ZW10: variants seen among roughly 807,000 people sequenced by gnomAD.
ZW10 encodes centromere/kinetochore protein zw10 homolog.
A neutral mutation model predicts 87.8 loss-of-function variants in ZW10; 53 were observed. The observed-to-expected ratio is 0.60, with a 90% CI of 0.48 to 0.76. The LOEUF is 0.76. ZW10 is among the 30% of genes least tolerant of loss of function. The probability of loss-of-function intolerance (pLI) is 0.00; values close to 1 mark genes in which losing one functional copy is unlikely to be tolerated. For synonymous variants in ZW10, 312 were observed against 329.2 expected, an observed-to-expected ratio of 0.95 and a Z score of 0.57; for missense variants, 837 against 923.0, an observed-to-expected ratio of 0.91 and a Z score of 1.21.
intron 5 of ZW10, 33 bp from the exon 6 acceptor site, chr11:113,758,739 C>T (rs1406395540): frequency 6.2e-7 from 1 of 1,608,242 alleles, no homozygotes; most frequent in South Asian, 1.1e-5. Context: ...TCAGCTGTCT[C>T]ACCAATATGA....
Position 113,737,695 on chromosome 11 carries a change from G to T in ZW10, c.1893C>A (p.His631Gln), listed in dbSNP as rs527252859. The T allele has an allele frequency of 6.2e-7, 1 of 1,610,926 alleles. No individual in the cohort carries two copies. Among genetic ancestry groups the T allele is most frequent in the South Asian group, 1.1e-5 (1 of 90,636 alleles). ...ACACAATTCCAAGTCTCTTTAGTTG[G>T]TGCAGTACCTGTAGAAGAATACAGC... Reference protein sequence around the residue: ...AASKAVRQVLHQLKRLGIVWQ... With the variant: ...AASKAVRQVLQQLKRLGIVWQ... The change falls in exon 14 of 16, where the codon CAC becomes CAA. Residue 631 changes from histidine to glutamine, a missense_variant. Transcript: ENST00000200135.
chr11:113,764,793 C>T (rs1272382489), intron 2 of ZW10, among the ~76,000 whole-genome samples: 1 of 152,164 alleles, frequency 6.6e-6, no homozygotes, highest in African/African-American at 2.4e-5. Context: ...ACTTTCCTTC[C>T]TTCTGAAACA....
At chr11:113,760,076 C>T in intron 5 of ZW10, 133 bp downstream of exon 5, 1 of 1,111,752 alleles carries the variant, frequency 9.0e-7, no homozygotes, top group East Asian at 2.6e-5. Flanking sequence ...ATCTTGCTAA[C>T]ATGAGTGCTC....
chr11:113,734,060 T>C (rs1953522138), intron 15 of ZW10, among the ~76,000 whole-genome samples: 1 of 152,234 alleles, frequency 6.6e-6, no homozygotes, highest in South Asian at 2.1e-4. Context: ...CTATTCTCCC[T>C]TATTCTATAC....
intron 1 of ZW10, chr11:113,769,526 A>C (rs1448524033): frequency 6.2e-6 from 1 of 160,950 alleles, no homozygotes; most frequent in African/African-American, 2.4e-5. Flanking sequence ...CTTTAATACA[A>C]AGTAACTTAA....
rs1283573881 is a variant in ZW10 at position 113,744,132 on chromosome 11, A to G, written c.1273-92T>C. ...GCCGGGCATGGCGGCTCACGCCTGT[A>G]ATCCCAGCACTTTGGGAGGCCGAGG... On this transcript the variant is annotated intron_variant, in intron 9 of 15. Coordinates refer to ENST00000200135, the MANE Select transcript of ZW10 (RefSeq NM_004724.4). 3.7e-6 allele frequency: 4 copies of G among 1,068,070 alleles called. No homozygotes were observed. In the African/African-American group the frequency reaches 6.3e-5, roughly 17 times the overall value. 66.2% of individuals were successfully genotyped at this position (1,068,070 alleles called of 1,614,324 possible).
chr11:113,741,777 A>G lies in ZW10; in HGVS notation c.1512-12T>C, dbSNP rs1953622119. The G allele has an allele frequency of 1.3e-6, 2 of 1,588,042 alleles. No individual in the cohort carries two copies. Among genetic ancestry groups the G allele is most frequent in the African/African-American group, 2.7e-5 (2 of 73,948 alleles). ...AAAGTTGAACAGCACTAAAAAGAAAACATAGACTTAACAGAAATGCCTAAG... is the reference window on the plus strand; with the variant it reads ...AAAGTTGAACAGCACTAAAAAGAAAGCATAGACTTAACAGAAATGCCTAAG... On this transcript the variant is annotated splice_polypyrimidine_tract_variant and intron_variant, in intron 10 of 15. Coordinates refer to ENST00000200135, the MANE Select transcript of ZW10 (RefSeq NM_004724.4).
At chr11:113,754,988 G>C (rs1460253561) in intron 7 of ZW10, among the ~76,000 whole-genome samples, 1 of 152,118 alleles carries the variant, frequency 6.6e-6, no homozygotes, top group Non-Finnish European at 1.5e-5. Context: ...GAGACCTACT[G>C]CTCAGAAAAA....
chr11:113,771,476 G>C (rs150493568), intron 1 of ZW10: 1 of 152,236 alleles, frequency 6.6e-6, no homozygotes, highest in African/African-American at 2.4e-5. Context: ...TCCTTGGGTG[G>C]TTCATTTCAA....
At chr11:113,767,863 C>G (rs1322149480) in intron 2 of ZW10, among the ~76,000 whole-genome samples, 2 of 152,196 alleles carry the variant, frequency 1.3e-5, no homozygotes, top group African/African-American at 2.4e-5. Flanking sequence ...TGACATCTCT[C>G]TATTACCTCC....
chr11:113,773,309 C>A (rs532072226), intron 1 of ZW10, among the ~76,000 whole-genome samples: 3 of 152,138 alleles, frequency 2.0e-5, no homozygotes, highest in African/African-American at 7.2e-5. Context: ...GCCTGTTCGT[C>A]CCCACAGTCC....
chr11:113,759,869 G>A (rs936918239), intron 5 of ZW10, among the ~76,000 whole-genome samples: 34 of 152,110 alleles, frequency 2.2e-4, no homozygotes, highest in African/African-American at 2.2e-4. Context: ...TGTCAGGAAC[G>A]GGCACGTCCT....
chr11:113,760,115 C>A (rs1953841310), intron 5 of ZW10, 94 bp downstream of exon 5: 2 of 1,398,998 alleles, frequency 1.4e-6, no homozygotes, highest in Non-Finnish European at 9.7e-7. Context: ...TATGAATGAA[C>A]CCTCATCTAC....
rs1953691033 is a variant in ZW10 at position 113,747,481 on chromosome 11, T to G, written c.1272+50A>C. ...TTACTATATGCATCTCAAAATGAGTTGCTTTCTCATATACAATGTTTCATA... is the reference window on the plus strand; with the variant it reads ...TTACTATATGCATCTCAAAATGAGTGGCTTTCTCATATACAATGTTTCATA... On this transcript the variant is annotated intron_variant, in intron 9 of 15. Coordinates refer to ENST00000200135, the MANE Select transcript of ZW10 (RefSeq NM_004724.4). The G allele has an allele frequency of 2.0e-6, 3 of 1,495,822 alleles. No individual in the cohort carries two copies. The East Asian group carries it at 6.8e-5, about 34-fold the overall frequency. 92.7% of individuals were successfully genotyped at this position (1,495,822 alleles called of 1,614,324 possible).
chr11:113,753,069 G>C (rs1953750135), intron 7 of ZW10, among the ~76,000 whole-genome samples: 1 of 151,756 alleles, frequency 6.6e-6, no homozygotes, highest in African/African-American at 2.4e-5. Flanking sequence ...GTGCAGGTTT[G>C]TTATATAGGT....
chr11:113,746,255 T>C (rs751878505), intron 9 of ZW10, among the ~76,000 whole-genome samples: 1 of 152,168 alleles, frequency 6.6e-6, no homozygotes, highest in African/African-American at 2.4e-5. Flanking sequence ...ACTCAGATTA[T>C]CTAGTTCAAT....
rs1953708425 is a variant in ZW10, at chr11:113,748,875, C to T, written c.926-455G>A. On this transcript the variant is annotated intron_variant, in intron 7 of 15. Coordinates refer to ENST00000200135, the MANE Select transcript of ZW10 (RefSeq NM_004724.4). ...TTTATAAAACAGAATACTTCAATAC[C>T]TCCTCTACAGTATATGTTATGGTGC... 2.0e-5 allele frequency among the ~76,000 whole-genome samples: 3 copies of T among 152,272 alleles called. No individual in the cohort carries two copies. In the South Asian group the frequency reaches 6.2e-4, roughly 32 times the overall value.
At chr11:113,753,813 A>G (rs1438880771) in intron 7 of ZW10, among the ~76,000 whole-genome samples, 1 of 152,214 alleles carries the variant, frequency 6.6e-6, no homozygotes, top group Non-Finnish European at 1.5e-5. Context: ...CTTCAATTCT[A>G]TGAAGGCTCA....
At chr11:113,738,160 A>C (rs1048697934) in intron 13 of ZW10, 104 bp downstream of exon 13, 22 of 1,292,750 alleles carry the variant, frequency 1.7e-5, no homozygotes, top group Non-Finnish European at 2.1e-5. Context: ...GCAGGGAATC[A>C]ACTGAATACT....
Sources: allele counts gnomAD v4.1 joint callset (sites outside exome capture counted in the v4.1 genomes callset), GRCh38; gene constraint gnomAD v4.1.1; transcripts MANE v1.5; gene names NCBI Gene and HGNC (gene_info 2026-07-23, HGNC 2026-07-21).